H1-2: variants seen among roughly 807,000 people sequenced by gnomAD.
H1-2 encodes the protein histone H1.2.
A neutral mutation model predicts 7.2 loss-of-function variants in H1-2; 7 were observed. The ratio of observed to expected loss-of-function variants is 0.97; its 90% CI spans 0.55 to 1.82. The LOEUF (loss-of-function observed/expected upper bound fraction) is 1.82, where lower values mean the gene tolerates loss of function less well. Ranked by LOEUF, H1-2 falls within the 40% of genes most tolerant of loss-of-function variation. The pLI, the probability that H1-2 is intolerant of heterozygous loss-of-function variation, is 0.00. For synonymous variants in H1-2, 300 were observed against 118.2 expected (o/e 2.54, Z -9.98); for missense variants, 703 against 276.6 (o/e 2.54, Z -10.94).
chr6:26,056,245 G>C lies in H1-2; in HGVS notation c.184C>G (p.Leu62Val). Reference sequence around the variant, plus strand: ...CCGGCGGCAGCCAACGCTTTTTTCAGAGCAGCCAGAGAAACTCCGCTACGC... The same window carrying C: ...CCGGCGGCAGCCAACGCTTTTTTCACAGCAGCCAGAGAAACTCCGCTACGC... ...KERSGVSLAA[L>V]KKALAAAGYD... The change falls in exon 1 of 1, where the codon CTG becomes GTG. Residue 62 changes from leucine to valine, a missense_variant. Physicochemically the swap from Leu to Val is conservative, Grantham distance 32. Coordinates refer to ENST00000343677, the MANE Select transcript of H1-2 (RefSeq NM_005319.4). The C allele has an allele frequency of 6.2e-7, 1 of 1,614,204 alleles. No individual in the cohort carries two copies. Among genetic ancestry groups the C allele is most frequent in the Non-Finnish European group, 8.5e-7 (1 of 1,180,032 alleles).
In H1-2 at chr6:26,055,840, C is replaced by G. The variant is rs368590163; in HGVS notation, c.589G>C (p.Ala197Pro). The G allele has an allele frequency of 2.5e-6, 4 of 1,613,614 alleles. No homozygotes were observed. The highest frequency in any genetic ancestry group is 3.4e-6 in the Non-Finnish European group (4 of 1,179,802). Residue 197 changes from alanine to proline, a missense_variant, in exon 1 of 1, where the codon GCC (alanine) becomes CCC (proline). Transcript: ENST00000343677. ...GGCTTGACAACCTTGGGCTTAGCGG[C>G]CTTGGGCTTCACAGCCTTAGCAGCA... ...KSAAKAVKPK[A>P]AKPKVVKPKK...
At position 26,056,072 on chromosome 6, in the gene H1-2, C is replaced by T. The variant is rs767132743; in HGVS notation, c.357G>A (p.Lys119=). The change falls in exon 1 of 1, where the codon AAG becomes AAA. Residue 119 remains lysine (K), a synonymous_variant. Coordinates refer to ENST00000343677, the MANE Select transcript of H1-2 (RefSeq NM_005319.4). ...GTTTGGTTCCGCCCGCCTTTTTAAC[C>T]TTGGGCTTGGCTTCCCCGGAGGCTG... ...KKAASGEAKP[K]VKKAGGTKPK... is the part of the protein sequence containing the mutation. 8.7e-6 allele frequency: 14 copies of T among 1,614,194 alleles called. No homozygotes were observed. Among genetic ancestry groups the T allele is most frequent in the East Asian group, 4.5e-5 (2 of 44,880 alleles).
Position 26,055,962 on chromosome 6 carries a change from T to A in H1-2, c.467A>T (p.Lys156Met), listed in dbSNP as rs772535825. 6.2e-7 allele frequency: 1 copy of A among 1,614,062 alleles called. No homozygotes were observed. The highest frequency in any genetic ancestry group is 8.5e-7 in the Non-Finnish European group (1 of 1,180,018). Residue 156 changes from lysine to methionine, a missense_variant, in exon 1 of 1, where the codon AAG (lysine) becomes ATG (methionine). Lys to Met is a moderately conservative substitution (Grantham distance 95). Transcript: ENST00000343677. ...TPKKSAKKTPKKAKKPAAATV... is the reference protein window; with the variant it reads ...TPKKSAKKTPMKAKKPAAATV... ...GGCCGCGGCCGGCTTCTTCGCTTTC[T>A]TCGGTGTTTTCTTAGCGCTCTTCTT... is the stretch of plus-strand genomic sequence containing the variant.
At position 26,056,416 on chromosome 6, in the gene H1-2, C is replaced by T. The variant is rs750600621; in HGVS notation, c.13G>A (p.Ala5Thr). Residue 5 changes from alanine (A) to threonine (T), a missense_variant, in exon 1 of 1, where the codon GCT (alanine) becomes ACT (threonine). Physicochemically the swap from Ala to Thr is moderately conservative, Grantham distance 58. Transcript: ENST00000343677. Reference protein sequence around the residue: MSETAPAAPAAAPPA... With the variant: MSETTPAAPAAAPPA... Reference sequence around the variant, plus strand: ...GGCGCGGCAGCGGGAGCGGCAGGAGCAGTCTCGGACATGTTGAGAATCAAA... The same window carrying T: ...GGCGCGGCAGCGGGAGCGGCAGGAGTAGTCTCGGACATGTTGAGAATCAAA... 18 of 1,582,552 alleles carry T rather than the reference C, an allele frequency of 1.1e-5. No individual in the cohort carries two copies. Among genetic ancestry groups the T allele is most frequent in the East Asian group, 6.7e-5 (3 of 44,630 alleles).
chr6:26,056,184 A>T lies in H1-2; in HGVS notation c.245T>A (p.Leu82His), dbSNP rs199530796. The T allele has an allele frequency of 5.6e-6, 9 of 1,614,226 alleles. No individual in the cohort carries two copies. Among genetic ancestry groups the T allele is most frequent in the Non-Finnish European group, 7.6e-6 (9 of 1,180,038 alleles). The change falls in exon 1 of 1, where the codon CTT becomes CAT. Residue 82 changes from leucine to histidine, a missense_variant. Physicochemically the swap from Leu to His is moderately conservative, Grantham distance 99 (BLOSUM62 -3). Transcript: ENST00000343677. ...CTTGCTCACCAGGCTCTTGAGACCA[A>T]GTTTGATACGGCTGTTGTTTTTCTC... ...DVEKNNSRIKLGLKSLVSKGT... is the reference protein window; with the variant it reads ...DVEKNNSRIKHGLKSLVSKGT...
chr6:26,055,894 C>T lies in H1-2; in HGVS notation c.535G>A (p.Val179Ile), dbSNP rs1409314848. The change falls in exon 1 of 1, where the codon GTT (valine) becomes ATT (isoleucine). Residue 179 changes from valine to isoleucine, a missense_variant. Coordinates refer to ENST00000343677, the MANE Select transcript of H1-2 (RefSeq NM_005319.4). ...KVAKSPKKAKVAKPKKAAKSA... is the reference protein window; with the variant it reads ...KVAKSPKKAKIAKPKKAAKSA... The stretch of plus-strand genomic sequence containing the variant: ...TTGGCAGCTTTCTTGGGCTTCGCAA[C>T]CTTGGCCTTCTTTGGGCTCTTAGCC... 2 of 1,614,200 alleles carry T rather than the reference C, an allele frequency of 1.2e-6. No individual in the cohort carries two copies. Among genetic ancestry groups the T allele is most frequent in the East Asian group, 2.2e-5 (1 of 44,876 alleles).
chr6:26,056,242 TCA>T lies in H1-2; in HGVS notation c.185_186del (p.Leu62GlnfsTer10), dbSNP rs754317766. 1.2e-6 allele frequency: 2 copies of T among 1,614,230 alleles called. No individual in the cohort carries two copies. Among genetic ancestry groups the T allele is most frequent in the Non-Finnish European group, 1.7e-6 (2 of 1,180,038 alleles). On this transcript the variant is annotated frameshift_variant, in exon 1 of 1. Coordinates refer to ENST00000343677, the MANE Select transcript of H1-2 (RefSeq NM_005319.4). LOFTEE classifies it high-confidence loss of function. ...TAGCCGGCGGCAGCCAACGCTTTTTTCAGAGCAGCCAGAGAAACTCCGCTACG... is the reference window on the plus strand; with the variant it reads ...TAGCCGGCGGCAGCCAACGCTTTTTTGAGCAGCCAGAGAAACTCCGCTACG... ...KERSGVSLAA[L>X]KKALAAAGYD...
At position 26,056,152 on chromosome 6, in the gene H1-2, G is replaced by C. The variant is rs751365843; in HGVS notation, c.277C>G (p.Leu93Val). 5.6e-6 allele frequency: 9 copies of C among 1,614,134 alleles called. No individual in the cohort carries two copies. The highest frequency in any genetic ancestry group is 2.2e-5 in the South Asian group (2 of 91,092). ...GCACCGGTGCCTTTCGTTTGCACCAGAGTGCCCTTGCTCACCAGGCTCTTG... is the reference window on the plus strand; with the variant it reads ...GCACCGGTGCCTTTCGTTTGCACCACAGTGCCCTTGCTCACCAGGCTCTTG... ...GLKSLVSKGT[L>V]VQTKGTGASG... The change falls in exon 1 of 1, where the codon CTG (leucine) becomes GTG (valine). Residue 93 changes from leucine (L) to valine (V), a missense_variant. Coordinates refer to ENST00000343677, the MANE Select transcript of H1-2 (RefSeq NM_005319.4).
At position 26,056,416 on chromosome 6, in the gene H1-2, C is replaced by G. The variant is rs750600621; in HGVS notation, c.13G>C (p.Ala5Pro). The change falls in exon 1 of 1, where the codon GCT becomes CCT. Residue 5 changes from alanine to proline, a missense_variant. By Grantham distance (27) the Ala-to-Pro change is conservative (BLOSUM62 -1). Transcript: ENST00000343677. MSET[A>P]PAAPAAAPPA... Reference sequence around the variant, plus strand: ...GGCGCGGCAGCGGGAGCGGCAGGAGCAGTCTCGGACATGTTGAGAATCAAA... The same window carrying G: ...GGCGCGGCAGCGGGAGCGGCAGGAGGAGTCTCGGACATGTTGAGAATCAAA... 6.3e-7 allele frequency: 1 copy of G among 1,582,670 alleles called. No individual in the cohort carries two copies. Among genetic ancestry groups the G allele is most frequent in the South Asian group, 1.2e-5 (1 of 86,954 alleles).
rs144669348 is a variant in H1-2 at position 26,055,817 on chromosome 6, C to G, written c.612G>C (p.Lys204Asn). The change falls in exon 1 of 1, where the codon AAG becomes AAC. Residue 204 changes from lysine (K) to asparagine (N), a missense_variant. By Grantham distance (94) the Lys-to-Asn change is moderately conservative. Transcript: ENST00000343677. ...KPKAAKPKVV[K>N]PKKAAPKKK Reference sequence around the variant, plus strand: ...TCTTCTTGGGCGCCGCCTTCTTAGGCTTGACAACCTTGGGCTTAGCGGCCT... The same window carrying G: ...TCTTCTTGGGCGCCGCCTTCTTAGGGTTGACAACCTTGGGCTTAGCGGCCT... 3 of 1,604,330 alleles carry G rather than the reference C, an allele frequency of 1.9e-6. 1 individual carries two copies. Among genetic ancestry groups the G allele is most frequent in the South Asian group, 2.2e-5 (2 of 88,976 alleles).
At position 26,056,321 on chromosome 6, in the gene H1-2, A is replaced by G. The variant is rs10425; in HGVS notation, c.108T>C (p.Ser36=). ...TGATGAGCTCTGACACCGGGGGACC[A>G]GACGCCTTACGAGGCGTACCCCCAG... ...KKAGGTPRKA[S]GPPVSELITK... Residue 36 remains serine, a synonymous_variant, in exon 1 of 1, where the codon TCT becomes TCC. Transcript: ENST00000343677. 1,099,987 of 1,614,062 alleles carry G rather than the reference A, an allele frequency of 0.68. 378,630 individuals are homozygous for G. Among genetic ancestry groups the G allele is most frequent in the African/African-American group, 0.9 (67,426 of 75,056 alleles).
chr6:26,055,961 C>G lies in H1-2; in HGVS notation c.468G>C (p.Lys156Asn), dbSNP rs747718946. The change falls in exon 1 of 1, where the codon AAG becomes AAC. Residue 156 changes from lysine to asparagine, a missense_variant. Coordinates refer to ENST00000343677, the MANE Select transcript of H1-2 (RefSeq NM_005319.4). Reference sequence around the variant, plus strand: ...TGGCCGCGGCCGGCTTCTTCGCTTTCTTCGGTGTTTTCTTAGCGCTCTTCT... The same window carrying G: ...TGGCCGCGGCCGGCTTCTTCGCTTTGTTCGGTGTTTTCTTAGCGCTCTTCT... ...TPKKSAKKTP[K>N]KAKKPAAATV... 94 of 1,613,948 alleles carry G rather than the reference C, an allele frequency of 5.8e-5. No individual in the cohort carries two copies. Among genetic ancestry groups the G allele is most frequent in the Non-Finnish European group, 7.5e-5 (89 of 1,180,028 alleles).
At position 26,056,228 on chromosome 6, in the gene H1-2, A is replaced by C. The variant is rs143556145; in HGVS notation, c.201T>G (p.Ala67=). 6.2e-7 allele frequency: 1 copy of C among 1,614,214 alleles called. No individual in the cohort carries two copies. The highest frequency in any genetic ancestry group is 1.1e-5 in the South Asian group (1 of 91,088). ...VSLAALKKAL[A]AAGYDVEKNN... is the part of the protein sequence containing the mutation. ...TTTTCTCCACATCATAGCCGGCGGC[A>C]GCCAACGCTTTTTTCAGAGCAGCCA... The change falls in exon 1 of 1, where the codon GCT becomes GCG. Residue 67 remains alanine (A), a synonymous_variant. Coordinates refer to ENST00000343677, the MANE Select transcript of H1-2 (RefSeq NM_005319.4).
chr6:26,056,133 G>A lies in H1-2; in HGVS notation c.296C>T (p.Thr99Ile), dbSNP rs147569209. 2.2e-5 allele frequency: 35 copies of A among 1,614,242 alleles called. No homozygotes were observed. Among genetic ancestry groups the A allele is most frequent in the Middle Eastern group, 1.6e-4 (1 of 6,062 alleles). ...SKGTLVQTKG[T>I]GASGSFKLNK... ...GAGTTTAAAGGAGCCAGAAGCACCGGTGCCTTTCGTTTGCACCAGAGTGCC... is the reference window on the plus strand; with the variant it reads ...GAGTTTAAAGGAGCCAGAAGCACCGATGCCTTTCGTTTGCACCAGAGTGCC... Residue 99 changes from threonine to isoleucine, a missense_variant, in exon 1 of 1, where the codon ACC becomes ATC. Coordinates refer to ENST00000343677, the MANE Select transcript of H1-2 (RefSeq NM_005319.4).
chr6:26,055,891 C>T lies in H1-2; in HGVS notation c.538G>A (p.Ala180Thr), dbSNP rs1761905679. Residue 180 changes from alanine (A) to threonine (T), a missense_variant, in exon 1 of 1, where the codon GCG (alanine) becomes ACG (threonine). Transcript: ENST00000343677. Reference protein sequence around the residue: ...VAKSPKKAKVAKPKKAAKSAA... With the variant: ...VAKSPKKAKVTKPKKAAKSAA... ...CTTTTGGCAGCTTTCTTGGGCTTCG[C>T]AACCTTGGCCTTCTTTGGGCTCTTA... 6.2e-7 allele frequency: 1 copy of T among 1,614,104 alleles called. No homozygotes were observed. Among genetic ancestry groups the T allele is most frequent in the African/African-American group, 1.3e-5 (1 of 74,944 alleles).
Position 26,055,856 on chromosome 6 carries a change from C to T in H1-2, c.573G>A (p.Lys191=), listed in dbSNP as rs375751488. The T allele has an allele frequency of 9.9e-6, 16 of 1,614,138 alleles. No homozygotes were observed. The highest frequency in any genetic ancestry group is 4.5e-5 in the East Asian group (2 of 44,880). Residue 191 remains lysine, a synonymous_variant, in exon 1 of 1, where the codon AAG becomes AAA. Coordinates refer to ENST00000343677, the MANE Select transcript of H1-2 (RefSeq NM_005319.4). ...GCTTAGCGGCCTTGGGCTTCACAGC[C>T]TTAGCAGCACTTTTGGCAGCTTTCT... is the stretch of plus-strand genomic sequence containing the variant. The part of the protein sequence containing the change: ...KPKKAAKSAA[K]AVKPKAAKPK...
In H1-2 at chr6:26,056,057, G is replaced by A. The variant is rs61742493; in HGVS notation, c.372C>T (p.Gly124=). ...GEAKPKVKKA[G]GTKPKKPVGA... ...CAACTGGCTTCTTAGGTTTGGTTCC[G>A]CCCGCCTTTTTAACCTTGGGCTTGG... is the stretch of plus-strand genomic sequence containing the variant. The change falls in exon 1 of 1, where the codon GGC becomes GGT. Residue 124 remains glycine, a synonymous_variant. Transcript: ENST00000343677. 1.0e-3 allele frequency: 1,613 copies of A among 1,614,082 alleles called. 49 individuals are homozygous for A. The East Asian group carries it at 0.03, about 30-fold the overall frequency.
At position 26,056,337 on chromosome 6, in the gene H1-2, G is replaced by C. The variant is rs769526254; in HGVS notation, c.92C>G (p.Thr31Arg). 23 of 1,614,028 alleles carry C rather than the reference G, an allele frequency of 1.4e-5. No homozygotes were observed. Among genetic ancestry groups the C allele is most frequent in the African/African-American group, 2.7e-5 (2 of 75,074 alleles). The part of the protein sequence containing the change: ...KKKAAKKAGG[T>R]PRKASGPPVS... Reference sequence around the variant, plus strand: ...CGGGGGACCAGACGCCTTACGAGGCGTACCCCCAGCCTTTTTGGCCGCCTT... The same window carrying C: ...CGGGGGACCAGACGCCTTACGAGGCCTACCCCCAGCCTTTTTGGCCGCCTT... Residue 31 changes from threonine to arginine, a missense_variant, in exon 1 of 1, where the codon ACG becomes AGG. Transcript: ENST00000343677.
At position 26,055,820 on chromosome 6, in the gene H1-2, G is replaced by T. The variant is rs763385460; in HGVS notation, c.609C>A (p.Val203=). 4 of 1,604,624 alleles carry T rather than the reference G, an allele frequency of 2.5e-6. No homozygotes were observed. The highest frequency in any genetic ancestry group is 3.4e-6 in the Non-Finnish European group (4 of 1,177,482). ...TCTTGGGCGCCGCCTTCTTAGGCTTGACAACCTTGGGCTTAGCGGCCTTGG... is the reference window on the plus strand; with the variant it reads ...TCTTGGGCGCCGCCTTCTTAGGCTTTACAACCTTGGGCTTAGCGGCCTTGG... ...VKPKAAKPKV[V]KPKKAAPKKK The change falls in exon 1 of 1, where the codon GTC becomes GTA. Residue 203 remains valine (V), a synonymous_variant. Coordinates refer to ENST00000343677, the MANE Select transcript of H1-2 (RefSeq NM_005319.4).
Sources: gnomAD v4.1 joint callset for allele counts on GRCh38, gnomAD v4.1.1 for gene constraint, MANE v1.5 for transcripts, NCBI Gene and HGNC (gene_info 2026-07-23, HGNC 2026-07-21) for gene names.